The following HADH variants were observed in gnomAD, a reference collection of about 807,000 sequenced individuals.
HADH encodes hydroxyacyl-coenzyme A dehydrogenase, mitochondrial.
A neutral mutation model predicts 32.2 loss-of-function variants in HADH; 24 were observed. That is an observed-to-expected ratio of 0.75 (90% CI 0.54 to 1.05). The LOEUF (loss-of-function observed/expected upper bound fraction) is 1.05. Ranked by LOEUF, HADH falls within the 50% of genes least tolerant of loss-of-function variation. The pLI is 0.00. For synonymous variants in HADH, 139 were observed against 152.5 expected, an observed-to-expected ratio of 0.91 and a Z score of 0.65; for missense variants, 350 against 397.1, an observed-to-expected ratio of 0.88 and a Z score of 1.01.
At chr4:108,027,866 G>A (rs1234005870) in intron 6 of HADH, 106 bp downstream of exon 6, 2 of 761,006 alleles carry the variant, frequency 2.6e-6, no homozygotes, top group Non-Finnish European at 4.8e-6. Flanking sequence ...AATGGAGGAA[G>A]CAGTGTCTGT....
At chr4:108,032,803 G>A (rs1372883763) in intron 6 of HADH, 1 of 334,256 alleles carries the variant, frequency 3.0e-6, no homozygotes, top group African/African-American at 2.1e-5. Context: ...GCCAAATGGT[G>A]AAACCCTATC....
intron 3 of HADH, among the ~76,000 whole-genome samples, chr4:108,016,779 TG>T (rs1423004249): frequency 1.3e-5 from 2 of 152,170 alleles, no homozygotes; most frequent in African/African-American, 4.8e-5. Context: ...TTGAGGTGAT[TG>T]GGGTAAATAA....
chr4:108,002,695 G>A (rs764946860), intron 1 of HADH, among the ~76,000 whole-genome samples: 1 of 152,206 alleles, frequency 6.6e-6, no homozygotes, highest in Non-Finnish European at 1.5e-5. Flanking sequence ...GCATGCAGCA[G>A]CAAGGCACCA....
intron 7 of HADH, among the ~76,000 whole-genome samples, 189 bp downstream of exon 7, chr4:108,033,481 AG>A (rs1367924653): frequency 6.6e-6 from 1 of 152,220 alleles, no homozygotes; most frequent in Non-Finnish European, 1.5e-5. Flanking sequence ...TCTCTTTAAC[AG>A]GGTGACCTTG....
At chr4:108,016,013 A>G (rs1269523286) in intron 3 of HADH, among the ~76,000 whole-genome samples, 1 of 152,102 alleles carries the variant, frequency 6.6e-6, no homozygotes, top group Admixed American at 6.5e-5. Context: ...CTATAGACAG[A>G]GAGGACTTTC....
At chr4:107,993,921 A>G (rs1734883173) in intron 1 of HADH, among the ~76,000 whole-genome samples, 1 of 152,170 alleles carries the variant, frequency 6.6e-6, no homozygotes, top group Non-Finnish European at 1.5e-5. Flanking sequence ...TTTGCTTTAT[A>G]AAGAGGAAAA....
chr4:108,019,804 A>G lies in HADH; in HGVS notation c.546+138A>G, dbSNP rs1185337710. 6 of 932,514 alleles carry G rather than the reference A, an allele frequency of 6.4e-6. No individual in the cohort carries two copies. The African/African-American group carries it at 6.5e-5, about 10-fold the overall frequency. The allele number at this position is 932,514 out of a possible 1,614,324, so 57.8% of individuals were successfully genotyped here. On this transcript the variant is annotated intron_variant, in intron 4 of 7. Transcript: ENST00000309522. ...GGGTAGAAGGTTGTCCCTGAGCCTC[A>G]TATCTAGGAGGGCTTCTATGCTTTG... is the stretch of plus-strand genomic sequence containing the variant.
At chr4:108,008,642 G>A (rs1200450904) in intron 1 of HADH, among the ~76,000 whole-genome samples, 1 of 151,900 alleles carries the variant, frequency 6.6e-6, no homozygotes, top group African/African-American at 2.4e-5. Flanking sequence ...GTTCTTCTCT[G>A]GGCAAGTTCA....
chr4:108,011,991 A>G (rs1158959150), intron 2 of HADH, among the ~76,000 whole-genome samples: 1 of 152,068 alleles, frequency 6.6e-6, no homozygotes, highest in East Asian at 1.9e-4. Context: ...TCCTAGGCTC[A>G]AGCCATTCTC....
chr4:108,029,435 G>A (rs990917016), intron 6 of HADH: 2 of 152,324 alleles, frequency 1.3e-5, no homozygotes, highest in African/African-American at 2.4e-5. Flanking sequence ...GTCTTTTCCT[G>A]ACTGGTCCCC....
At chr4:108,016,263 G>T (rs1403805382) in intron 3 of HADH, among the ~76,000 whole-genome samples, 3 of 152,176 alleles carry the variant, frequency 2.0e-5, no homozygotes, top group Non-Finnish European at 4.4e-5. Flanking sequence ...TATGACAAAA[G>T]CAATTCTCAG....
chr4:108,007,770 T>C (rs1263158395), intron 1 of HADH, among the ~76,000 whole-genome samples: 1 of 152,240 alleles, frequency 6.6e-6, no homozygotes, highest in East Asian at 1.9e-4. Context: ...GGATATCTTA[T>C]TAAGCATCTA....
At chr4:108,016,736 A>G (rs1400629861) in intron 3 of HADH, among the ~76,000 whole-genome samples, 1 of 152,170 alleles carries the variant, frequency 6.6e-6, no homozygotes, top group African/African-American at 2.4e-5. Flanking sequence ...CCAGCCTTGG[A>G]AAGGTCCTCA....
chr4:108,028,062 A>G, intron 6 of HADH: 1 of 476,020 alleles, frequency 2.1e-6, no homozygotes, highest in Non-Finnish European at 3.8e-6. Context: ...TCTGCTTTTG[A>G]TTAAAAGGTT....
intron 6 of HADH, chr4:108,031,352 C>CT (rs1449068926): frequency 6.6e-6 from 1 of 152,292 alleles, no homozygotes; most frequent in Non-Finnish European, 1.5e-5. Context: ...CCGAAGCTGT[C>CT]TGAGGGCAGC....
chr4:108,001,108 A>C (rs115135211), intron 1 of HADH, among the ~76,000 whole-genome samples: 1 of 152,188 alleles, frequency 6.6e-6, no homozygotes, highest in South Asian at 2.1e-4. Context: ...CTTCATGGAG[A>C]GGGTAGCATT....
Position 108,027,761 on chromosome 4 carries a change from G to C in HADH, c.709+1G>C. The C allele has an allele frequency of 1.3e-6, 2 of 1,581,632 alleles. No individual in the cohort carries two copies. The highest frequency in any genetic ancestry group is 1.7e-6 in the Non-Finnish European group (2 of 1,150,466). ...GAAGCAATCAGGCTGTATGAACGAG[G>C]TATCCTTCTGACCCAGGCCAGGAGC... On this transcript the variant is annotated splice_donor_variant, in intron 6 of 7. Transcript: ENST00000309522. LOFTEE classifies it high-confidence loss of function.
At position 107,992,327 on chromosome 4, in the gene HADH, G is replaced by A. The variant is rs76178782; in HGVS notation, c.132+2263G>A. 9.0e-3 allele frequency among the ~76,000 whole-genome samples: 1,364 copies of A among 152,270 alleles called. 26 individuals carry two copies. The highest frequency in any genetic ancestry group is 0.031 in the African/African-American group (1,287 of 41,548). ...GTTCCATCCTTATGTAACACAGTTT[G>A]GAAAAACCTCAGTTACTTTAGTTGA... On this transcript the variant is annotated intron_variant, in intron 1 of 7. Transcript: ENST00000309522.
intron 5 of HADH, chr4:108,027,240 A>G (rs776845769): frequency 1.4e-5 from 3 of 215,862 alleles, no homozygotes; most frequent in Non-Finnish European, 2.8e-5. Flanking sequence ...GAGGAGGAAT[A>G]AAGGGATGGG....
Sources: gnomAD v4.1 joint callset for allele counts (sites outside exome capture counted in the v4.1 genomes callset) on GRCh38, gnomAD v4.1.1 for gene constraint, MANE v1.5 for transcripts, NCBI Gene and HGNC (gene_info 2026-07-23, HGNC 2026-07-21) for gene names.